KAT2B: variants seen among roughly 807,000 people sequenced by gnomAD.
KAT2B encodes the protein lysine acetyltransferase 2B, also known as histone acetyltransferase KAT2B.
In KAT2B, 36 loss-of-function variants were observed where a neutral mutation model predicts 105.9. The ratio of observed to expected loss-of-function variants is 0.34; its 90% CI spans 0.26 to 0.45. The LOEUF (loss-of-function observed/expected upper bound fraction) is 0.45. Ranked by LOEUF, KAT2B falls within the 20% of genes least tolerant of loss-of-function variation. KAT2B has a pLI of 1.00. For missense variants in KAT2B, 820 were observed against 1,021.6 expected, an observed-to-expected ratio of 0.80 and a Z score of 2.69; for synonymous variants, 397 against 377.9, an observed-to-expected ratio of 1.05 and a Z score of -0.59.
chr3:20,112,118 A>G (rs1368395606), intron 6 of KAT2B, among the ~76,000 whole-genome samples: 1 of 151,058 alleles, frequency 6.6e-6, no homozygotes, highest in East Asian at 1.9e-4. Context: ...GAGAATGTTT[A>G]GGTACATTTT....
rs766077980 is a variant in KAT2B, at chr3:20,119,708, C to A, written c.1261C>A (p.Leu421Ile). 1 of 1,613,948 alleles carries A rather than the reference C, an allele frequency of 6.2e-7. No individual in the cohort carries two copies. Among genetic ancestry groups the A allele is most frequent in the East Asian group, 2.2e-5 (1 of 44,886 alleles). Residue 421 changes from leucine to isoleucine, a missense_variant, in exon 8 of 18, where the codon CTT (leucine) becomes ATT (isoleucine). Leu to Ile is a conservative substitution (Grantham distance 5). Coordinates refer to ENST00000263754, the MANE Select transcript of KAT2B (RefSeq NM_003884.5). ...SSPACKASSGLEANPGEKRKM... is the reference protein window; with the variant it reads ...SSPACKASSGIEANPGEKRKM... ...TCCTGCCTGCAAAGCCTCTTCTGGA[C>A]TTGAGGCAAACCCAGGTAAGCTCTT... is the stretch of plus-strand genomic sequence containing the variant.
rs1340590695 is a variant in KAT2B, at chr3:20,140,211, T to C, written c.1861-10T>C. 6.4e-7 allele frequency: 1 copy of C among 1,567,098 alleles called. No individual in the cohort carries two copies. Among genetic ancestry groups the C allele is most frequent in the South Asian group, 1.1e-5 (1 of 90,108 alleles). Reference sequence around the variant, plus strand: ...TGGTGTTCATATGAATGAATTTACTTGCTTTTCAGGGTTTCTCCAAAGAAA... The same window carrying C: ...TGGTGTTCATATGAATGAATTTACTCGCTTTTCAGGGTTTCTCCAAAGAAA... On this transcript the variant is annotated splice_polypyrimidine_tract_variant and intron_variant, in intron 12 of 17. Transcript: ENST00000263754.
intron 2 of KAT2B, 101 bp from the exon 3 acceptor site, chr3:20,095,162 A>AT: frequency 2.2e-6 from 2 of 917,386 alleles, no homozygotes; most frequent in Non-Finnish European, 1.7e-6. Flanking sequence ...AACTTAAAGG[A>AT]TTGATGGTAA....
chr3:20,078,579 A>T (rs1053824948), intron 2 of KAT2B, among the ~76,000 whole-genome samples: 1 of 150,862 alleles, frequency 6.6e-6, no homozygotes, highest in African/African-American at 2.4e-5. Flanking sequence ...GGATTTTGTT[A>T]TATTGCCTGG....
chr3:20,124,115 T>C (rs74735294), intron 9 of KAT2B, among the ~76,000 whole-genome samples: 5,363 of 152,288 alleles, frequency 0.035, 118 homozygotes, highest in Non-Finnish European at 0.055. Flanking sequence ...CATTTCCTCC[T>C]AGATGTCCAG....
At chr3:20,131,564 T>A (rs946115424) in intron 11 of KAT2B, among the ~76,000 whole-genome samples, 2 of 152,072 alleles carry the variant, frequency 1.3e-5, no homozygotes, top group Non-Finnish European at 2.9e-5. Flanking sequence ...GTTTTATTTT[T>A]ATTTTAATTT....
At chr3:20,075,075 C>T (rs1441591051) in intron 2 of KAT2B, among the ~76,000 whole-genome samples, 1 of 152,056 alleles carries the variant, frequency 6.6e-6, no homozygotes, top group African/African-American at 2.4e-5. Context: ...ACCAGCCTGG[C>T]CAACATGGTG....
At chr3:20,087,952 A>AT (rs35016483) in intron 2 of KAT2B, among the ~76,000 whole-genome samples, 58,021 of 151,128 alleles carry the variant, frequency 0.38, 12,989 homozygotes, top group East Asian at 0.61. Flanking sequence ...TTAAAAAAAA[A>AT]TTTTTTTTTG....
At chr3:20,116,648 A>G (rs1356025394) in intron 7 of KAT2B, among the ~76,000 whole-genome samples, 1 of 152,116 alleles carries the variant, frequency 6.6e-6, no homozygotes, top group Non-Finnish European at 1.5e-5. Flanking sequence ...ATGTCTTTTC[A>G]TCTCCTGTGA....
intron 5 of KAT2B, among the ~76,000 whole-genome samples, chr3:20,104,578 T>C (rs1031322244): frequency 3.3e-5 from 5 of 152,216 alleles, no homozygotes; most frequent in Non-Finnish European, 7.3e-5. Flanking sequence ...CAGCAGGCTT[T>C]ATCTTGATGT....
At chr3:20,111,158 A>G in intron 5 of KAT2B, among the ~76,000 whole-genome samples, 1 of 152,206 alleles carries the variant, frequency 6.6e-6, no homozygotes, top group African/African-American at 2.4e-5. Flanking sequence ...TTAATGTGCC[A>G]GTAACTCCAG....
intron 3 of KAT2B, 85 bp from the exon 4 acceptor site, chr3:20,099,775 GAC>G: frequency 5.9e-6 from 4 of 676,098 alleles, no homozygotes; most frequent in South Asian, 1.8e-5. Context: ...GAGAGAGAGA[GAC>G]AGACAGAAAC....
chr3:20,105,680 C>T (rs9855900), intron 5 of KAT2B, among the ~76,000 whole-genome samples: 27,181 of 151,482 alleles, frequency 0.18, 2,553 homozygotes, highest in Middle Eastern at 0.23. Flanking sequence ...GCCTGTGGTC[C>T]CAGCGACTCT....
chr3:20,145,999 CA>C (rs1338643418), intron 13 of KAT2B, among the ~76,000 whole-genome samples: 1 of 152,158 alleles, frequency 6.6e-6, no homozygotes, highest in African/African-American at 2.4e-5. Flanking sequence ...AGAGCCTCCT[CA>C]GAGAAGCAGG....
At chr3:20,081,706 G>T (rs889066285) in intron 2 of KAT2B, among the ~76,000 whole-genome samples, 1 of 151,980 alleles carries the variant, frequency 6.6e-6, no homozygotes, top group African/African-American at 2.4e-5. Flanking sequence ...GTAAAAGCAG[G>T]ATTCTTTAAT....
At chr3:20,098,975 G>A (rs1446026081) in intron 3 of KAT2B, among the ~76,000 whole-genome samples, 1 of 152,158 alleles carries the variant, frequency 6.6e-6, no homozygotes, top group Non-Finnish European at 1.5e-5. Context: ...AAGGCAGTAA[G>A]CGAGAAAGGA....
In KAT2B at chr3:20,133,567, T is replaced by C. The variant is rs60106394; in HGVS notation, c.1750-3375T>C. On this transcript the variant is annotated intron_variant, in intron 11 of 17. Coordinates refer to ENST00000263754, the MANE Select transcript of KAT2B (RefSeq NM_003884.5). ...GCACCATAATTTATGTAATCATTTCTCTATTGAAGACATATTTGCTTATTT... is the reference window on the plus strand; with the variant it reads ...GCACCATAATTTATGTAATCATTTCCCTATTGAAGACATATTTGCTTATTT... Among the ~76,000 whole-genome samples the C allele has an allele frequency of 0.024, 3,632 of 152,336 alleles. 369 individuals carry two copies. In the South Asian group the frequency reaches 0.3, roughly 13 times the overall value.
chr3:20,133,034 T>A (rs747515491), intron 11 of KAT2B, among the ~76,000 whole-genome samples: 6 of 152,182 alleles, frequency 3.9e-5, no homozygotes, highest in African/African-American at 2.4e-5. Context: ...GTTAAAAAAA[T>A]TTTTTTAGAA....
At chr3:20,056,998 G>C (rs1216808655) in intron 1 of KAT2B, among the ~76,000 whole-genome samples, 1 of 152,208 alleles carries the variant, frequency 6.6e-6, no homozygotes, top group African/African-American at 2.4e-5. Flanking sequence ...AGTGATGTGA[G>C]CTGGTATTAG....
Sources: gnomAD v4.1 joint callset for allele counts (sites outside exome capture counted in the v4.1 genomes callset) on GRCh38, gnomAD v4.1.1 for gene constraint, MANE v1.5 for transcripts, NCBI Gene and HGNC (gene_info 2026-07-23, HGNC 2026-07-21) for gene names.